ANKS1B: variants seen among roughly 807,000 people sequenced by gnomAD.
ANKS1B encodes the protein ankyrin repeat and sterile alpha motif domain-containing protein 1B.
In ANKS1B, 36 loss-of-function variants were observed where a neutral mutation model predicts 148.3. That is an observed-to-expected ratio of 0.24 (90% CI 0.19 to 0.32). The LOEUF (loss-of-function observed/expected upper bound fraction) is 0.32, where lower values mean the gene tolerates loss of function less well. Among genes scored for constraint, ANKS1B ranks in the 10% least tolerant of loss-of-function variants. ANKS1B has a pLI of 1.00. For missense variants in ANKS1B, 1,157 were observed against 1,542.6 expected (o/e 0.75, Z 4.19); for synonymous variants, 542 against 560.8 (o/e 0.97, Z 0.47).
rs370277900 is a variant in ANKS1B at position 99,266,412 on chromosome 12, C to T, written c.1757-19548G>A. Among the ~76,000 whole-genome samples, 10 of 152,210 alleles carry T rather than the reference C, an allele frequency of 6.6e-5. No homozygotes were observed. In the South Asian group the frequency reaches 2.1e-3, roughly 32 times the overall value. ...TTTTTATCCATTATCTTATTTAAGGCTTATAAAAATTTCCATTTTACAGAT... is the reference window on the plus strand; with the variant it reads ...TTTTTATCCATTATCTTATTTAAGGTTTATAAAAATTTCCATTTTACAGAT... On this transcript the variant is annotated intron_variant, in intron 12 of 26. Coordinates refer to ENST00000683438, the MANE Select transcript of ANKS1B (RefSeq NM_001352186.2).
At chr12:99,563,932 C>G (rs987869884) in intron 9 of ANKS1B, among the ~76,000 whole-genome samples, 2 of 152,242 alleles carry the variant, frequency 1.3e-5, no homozygotes, top group East Asian at 3.9e-4. Flanking sequence ...TACCCTCTGC[C>G]ACTTTTGTCA....
At chr12:99,737,117 C>G (rs565960527) in intron 8 of ANKS1B, among the ~76,000 whole-genome samples, 362 of 152,232 alleles carry the variant, frequency 2.4e-3, no homozygotes, top group Non-Finnish European at 4.2e-3. Flanking sequence ...CTATGGAAAA[C>G]AGTATGGAGA....
chr12:99,784,202 C>T (rs1320026721), intron 4 of ANKS1B, among the ~76,000 whole-genome samples: 3 of 142,972 alleles, frequency 2.1e-5, no homozygotes, highest in South Asian at 4.4e-4. Flanking sequence ...GACGGAGTCT[C>T]GCTCTGTGGC....
intron 17 of ANKS1B, among the ~76,000 whole-genome samples, chr12:98,966,473 T>C (rs567702490): frequency 7.6e-4 from 116 of 152,266 alleles, no homozygotes; most frequent in African/African-American, 2.6e-3. Context: ...AGTTCAACCA[T>C]TGTGGAAGAC....
intron 8 of ANKS1B, among the ~76,000 whole-genome samples, chr12:99,749,118 C>G (rs2060867537): frequency 6.6e-6 from 1 of 152,128 alleles, no homozygotes; most frequent in South Asian, 2.1e-4. Context: ...TGAGATGTAA[C>G]TGAACATTTC....
At chr12:99,433,997 CTG>C (rs2152759700) in intron 11 of ANKS1B, among the ~76,000 whole-genome samples, 1 of 152,212 alleles carries the variant, frequency 6.6e-6, no homozygotes, top group South Asian at 2.1e-4. Flanking sequence ...AGGCACTCAA[CTG>C]TGTTTATTGA....
chr12:99,402,815 G>A (rs1432363433), intron 11 of ANKS1B, among the ~76,000 whole-genome samples: 1 of 145,912 alleles, frequency 6.9e-6, no homozygotes, highest in African/African-American at 2.6e-5. Flanking sequence ...AATGATTTAT[G>A]TTCTTTTGGG....
intron 11 of ANKS1B, among the ~76,000 whole-genome samples, chr12:99,433,269 A>T (rs545776858): frequency 6.6e-6 from 1 of 152,162 alleles, no homozygotes; most frequent in Admixed American, 6.5e-5. Flanking sequence ...ATATTTATAT[A>T]AAAACTAAAA....
chr12:99,494,732 CAAAAAAAAA>C (rs59115173), intron 10 of ANKS1B, among the ~76,000 whole-genome samples: 4 of 55,998 alleles, frequency 7.1e-5, no homozygotes, highest in Admixed American at 2.3e-4. Context: ...CACTCTGTCT[CAAAAAAAAA>C]AAAAAAAAAA....
chr12:98,770,989 A>G (rs1358577357), intron 25 of ANKS1B, among the ~76,000 whole-genome samples: 1 of 152,240 alleles, frequency 6.6e-6, no homozygotes, highest in Non-Finnish European at 1.5e-5. Context: ...AATATACTAT[A>G]TCAGAGATAT....
intron 17 of ANKS1B, among the ~76,000 whole-genome samples, chr12:98,970,980 C>A (rs1307630959): frequency 1.3e-5 from 2 of 152,142 alleles, no homozygotes; most frequent in East Asian, 3.9e-4. Flanking sequence ...GACCTCCCCC[C>A]ACCCCAAATT....
At chr12:99,461,215 G>C (rs995545171) in intron 10 of ANKS1B, among the ~76,000 whole-genome samples, 15 of 152,120 alleles carry the variant, frequency 9.9e-5, no homozygotes, top group African/African-American at 3.6e-4. Flanking sequence ...TCATAAGTGG[G>C]AGCTATGCTA....
chr12:99,442,694 T>C (rs1049623636), intron 11 of ANKS1B, among the ~76,000 whole-genome samples: 3 of 151,874 alleles, frequency 2.0e-5, no homozygotes, highest in Non-Finnish European at 4.4e-5. Flanking sequence ...ATTTTATCAA[T>C]GAGGATGAAG....
chr12:99,148,328 G>A (rs2073851280), intron 15 of ANKS1B, among the ~76,000 whole-genome samples: 1 of 152,040 alleles, frequency 6.6e-6, no homozygotes, highest in African/African-American at 2.4e-5. Context: ...AAATGGGGCA[G>A]CATATTTTAA....
intron 3 of ANKS1B, among the ~76,000 whole-genome samples, chr12:99,811,619 C>T (rs1232359829): frequency 6.6e-6 from 1 of 151,732 alleles, no homozygotes; most frequent in Non-Finnish European, 1.5e-5. Flanking sequence ...GTGTTTTATT[C>T]AACTTATTCT....
chr12:99,346,286 CT>C (rs140923349), intron 12 of ANKS1B, among the ~76,000 whole-genome samples: 4 of 151,366 alleles, frequency 2.6e-5, no homozygotes, highest in Non-Finnish European at 5.9e-5. Flanking sequence ...AGTTACCCCC[CT>C]GCCTAAACAA....
At chr12:99,786,442 G>A (rs777311403) in intron 4 of ANKS1B, among the ~76,000 whole-genome samples, 2 of 152,110 alleles carry the variant, frequency 1.3e-5, no homozygotes, top group Admixed American at 6.5e-5. Context: ...AAGTTTAAAT[G>A]AGGGACCCCT....
intron 9 of ANKS1B, among the ~76,000 whole-genome samples, chr12:99,520,300 T>C (rs1357241463): frequency 1.3e-5 from 2 of 152,186 alleles, no homozygotes; most frequent in African/African-American, 2.4e-5. Context: ...TCTGGGAAGA[T>C]CTTTATTTAT....
At chr12:99,823,357 G>A (rs1222475202) in intron 2 of ANKS1B, among the ~76,000 whole-genome samples, 4 of 152,150 alleles carry the variant, frequency 2.6e-5, no homozygotes, top group African/African-American at 9.7e-5. Context: ...CCAGGCTGGA[G>A]TGCAGTCATG....
Sources: gnomAD v4.1 joint callset for allele counts (sites outside exome capture counted in the v4.1 genomes callset) on GRCh38, gnomAD v4.1.1 for gene constraint, MANE v1.5 for transcripts, NCBI Gene and HGNC (gene_info 2026-07-23, HGNC 2026-07-21) for gene names.